TSGA10: variants seen among roughly 807,000 people sequenced by gnomAD.
The protein encoded by TSGA10 is testis specific 10.
In TSGA10, 43 loss-of-function variants were observed where a neutral mutation model predicts 96.6. The observed-to-expected ratio is 0.44, with a 90% CI of 0.35 to 0.57. The LOEUF (loss-of-function observed/expected upper bound fraction) is 0.57. Ranked by LOEUF, TSGA10 falls within the 20% of genes least tolerant of loss-of-function variation. The probability of loss-of-function intolerance (pLI) is 0.01; values close to 1 mark genes in which losing one functional copy is unlikely to be tolerated. For missense variants in TSGA10, 703 were observed against 834.4 expected, an observed-to-expected ratio of 0.84 and a Z score of 1.94; for synonymous variants, 229 against 269.9, an observed-to-expected ratio of 0.85 and a Z score of 1.48.
intron 3 of TSGA10, 57 bp downstream of exon 3, chr2:99,118,494 T>C: frequency 1.7e-6 from 1 of 603,472 alleles, no homozygotes; most frequent in Non-Finnish European, 2.1e-6. Context: ...TATATACGTA[T>C]ATATATGTGT....
At chr2:99,077,730 T>G (rs917787396) in intron 12 of TSGA10, among the ~76,000 whole-genome samples, 1 of 151,710 alleles carries the variant, frequency 6.6e-6, no homozygotes, top group East Asian at 2.0e-4. Context: ...CCCAGCTAAT[T>G]TTTTGTATTT....
At chr2:99,071,945 C>A in intron 13 of TSGA10, 71 bp from the exon 14 acceptor site, 1 of 1,356,124 alleles carries the variant, frequency 7.4e-7, no homozygotes, top group Non-Finnish European at 1.0e-6. Flanking sequence ...TCTCACAAGA[C>A]AGAAGATGGA....
intron 12 of TSGA10, among the ~76,000 whole-genome samples, chr2:99,075,035 G>T (rs2086528099): frequency 2.0e-5 from 3 of 151,290 alleles, no homozygotes; most frequent in African/African-American, 7.3e-5. Context: ...ATCAATATAA[G>T]TGCATCTTAA....
chr2:99,074,283 G>A (rs1164117252), intron 12 of TSGA10, among the ~76,000 whole-genome samples: 1 of 151,470 alleles, frequency 6.6e-6, no homozygotes, highest in Non-Finnish European at 1.5e-5. Flanking sequence ...CAAAGTGCTG[G>A]GATTACAGGC....
chr2:99,147,645 T>C, intron 1 of TSGA10: 3 of 652,246 alleles, frequency 4.6e-6, no homozygotes, highest in Non-Finnish European at 7.5e-6. Flanking sequence ...GTTTTGTGTT[T>C]TTTAAAACGT....
In TSGA10 at chr2:99,105,395, T is replaced by G. The variant is rs1162242838; in HGVS notation, c.423A>C (p.Glu141Asp). The G allele has an allele frequency of 6.2e-7, 1 of 1,613,438 alleles. No individual in the cohort carries two copies. Among genetic ancestry groups the G allele is most frequent in the African/African-American group, 1.3e-5 (1 of 75,016 alleles). Residue 141 changes from glutamate to aspartate, a missense_variant, in exon 9 of 21, where the codon GAA (glutamate) becomes GAC (aspartate). Physicochemically the swap from Glu to Asp is conservative, Grantham distance 45. This residue lies in a region of TSGA10 where 585 missense variants were observed against 656.8 expected (regional missense o/e 0.89). Coordinates refer to ENST00000393483, the MANE Select transcript of TSGA10 (RefSeq NM_025244.4). ...ETAFNEKAHL[E>D]QRIEELECTV... is the part of the protein sequence containing the mutation. ...TACACTCCAGCTCCTCTATCCTTTG[T>G]TCCAGGTGAGCCTTCTCATTAAATG...
At chr2:99,149,258 G>A (rs973948720) in intron 1 of TSGA10, among the ~76,000 whole-genome samples, 11 of 151,774 alleles carry the variant, frequency 7.2e-5, no homozygotes, top group Admixed American at 6.6e-4. Flanking sequence ...ATCTTGGGTA[G>A]ATCACTCTTC....
At position 99,051,938 on chromosome 2, in the gene TSGA10, T is replaced by G. The variant is rs186947388; in HGVS notation, c.1404+13001A>C. On this transcript the variant is annotated intron_variant, in intron 16 of 20. Coordinates refer to ENST00000393483, the MANE Select transcript of TSGA10 (RefSeq NM_025244.4). ...GAAAATACTTTGAGATTACTTAAAATGAACATACAACATACCTGAACTTAT... is the reference window on the plus strand; with the variant it reads ...GAAAATACTTTGAGATTACTTAAAAGGAACATACAACATACCTGAACTTAT... Among the ~76,000 whole-genome samples the G allele has an allele frequency of 8.5e-3, 1,286 of 151,920 alleles. 21 individuals are homozygous for G. The highest frequency in any genetic ancestry group is 9.6e-3 in the Non-Finnish European group (652 of 67,902).
At chr2:99,062,957 A>T (rs1011727610) in intron 16 of TSGA10, among the ~76,000 whole-genome samples, 5 of 152,230 alleles carry the variant, frequency 3.3e-5, no homozygotes, top group African/African-American at 9.6e-5. Flanking sequence ...GTTAATAAGG[A>T]CCAAGTACAG....
chr2:99,021,996 C>G (rs951504079), intron 17 of TSGA10, among the ~76,000 whole-genome samples: 1 of 151,934 alleles, frequency 6.6e-6, no homozygotes, highest in Admixed American at 6.6e-5. Flanking sequence ...ACAATCGTTA[C>G]CACAATCTAA....
intron 1 of TSGA10, among the ~76,000 whole-genome samples, chr2:99,133,082 A>T (rs2093170754): frequency 6.6e-6 from 1 of 152,162 alleles, no homozygotes; most frequent in South Asian, 2.1e-4. Flanking sequence ...TGGGGAAGAG[A>T]GTTCTGTAGA....
At chr2:99,138,977 G>C (rs2093426522) in intron 1 of TSGA10, among the ~76,000 whole-genome samples, 1 of 152,210 alleles carries the variant, frequency 6.6e-6, no homozygotes, top group Admixed American at 6.5e-5. Context: ...AAGGACAGGT[G>C]AAGATTTAGA....
Position 99,060,125 on chromosome 2 carries a change from C to T in TSGA10, c.1404+4814G>A, listed in dbSNP as rs2084519275. ...GAGAAGAAGTAAAACTATCTTTATA[C>T]ATTTAAGTCATAATTGCATACGTAG... On this transcript the variant is annotated intron_variant, in intron 16 of 20. Transcript: ENST00000393483. Among the ~76,000 whole-genome samples, 4 of 152,178 alleles carry T rather than the reference C, an allele frequency of 2.6e-5. No homozygotes were observed. The South Asian group carries it at 8.3e-4, about 32-fold the overall frequency.
rs951387652 is a variant in TSGA10 at position 99,112,988 on chromosome 2, T to G, written c.-139-2073A>C. 1.2e-4 allele frequency among the ~76,000 whole-genome samples: 18 copies of G among 151,526 alleles called. No individual in the cohort carries two copies. The South Asian group carries it at 3.4e-3, about 28-fold the overall frequency. On this transcript the variant is annotated intron_variant, in intron 4 of 20. Coordinates refer to ENST00000393483, the MANE Select transcript of TSGA10 (RefSeq NM_025244.4). ...ATGATAAGGACTATCAGAGATCCAG[T>G]CCAGTAACATAGCCCCTAGGTCAAT...
intron 2 of TSGA10, chr2:99,125,082 C>T (rs1474838109): frequency 6.6e-6 from 1 of 152,104 alleles, no homozygotes; most frequent in Non-Finnish European, 1.5e-5. Flanking sequence ...GTAACTACTG[C>T]TCTTTTTATG....
chr2:99,092,610 A>T (rs2089487631), intron 10 of TSGA10, among the ~76,000 whole-genome samples: 2 of 152,152 alleles, frequency 1.3e-5, no homozygotes, highest in South Asian at 4.1e-4. Context: ...GACATCACAG[A>T]AATACAAAAG....
intron 1 of TSGA10, 32 bp from the exon 2 acceptor site, chr2:99,127,208 C>T (rs1296837540): frequency 8.1e-7 from 1 of 1,239,800 alleles, no homozygotes; most frequent in South Asian, 1.4e-5. Context: ...AATACAGAGG[C>T]ATTCAGTTTA....
intron 10 of TSGA10, among the ~76,000 whole-genome samples, chr2:99,096,429 G>A (rs755686484): frequency 3.3e-5 from 5 of 152,162 alleles, no homozygotes; most frequent in Non-Finnish European, 7.3e-5. Flanking sequence ...CGTCTACTGG[G>A]CTGCCTTCAT....
At chr2:99,147,481 TG>T (rs776630943) in intron 1 of TSGA10, 1 of 1,614,040 alleles carries the variant, frequency 6.2e-7, no homozygotes, top group South Asian at 1.1e-5. Flanking sequence ...TCCTCAACTC[TG>T]GGGAAGTTAA....
Sources: gnomAD v4.1 joint callset for allele counts (sites outside exome capture counted in the v4.1 genomes callset) on GRCh38, gnomAD v4.1.1 for gene constraint, gnomAD v4.1.1 regional missense constraint, MANE v1.5 for transcripts, NCBI Gene and HGNC (gene_info 2026-07-23, HGNC 2026-07-21) for gene names.